Variants in NR6A1 observed in about 807,000 individuals in gnomAD.
NR6A1 encodes the protein nuclear receptor subfamily 6 group A member 1.
NR6A1 carries 7 observed loss-of-function variants against 59.1 expected under a neutral mutation model. The observed-to-expected ratio is 0.12, with a 90% CI of 0.07 to 0.22. NR6A1 has a LOEUF of 0.22. Among genes scored for constraint, NR6A1 ranks in the 10% least tolerant of loss-of-function variants. The probability of loss-of-function intolerance (pLI) is 1.00; values close to 1 mark genes in which losing one functional copy is unlikely to be tolerated. For synonymous variants in NR6A1, 243 were observed against 236.1 expected, an observed-to-expected ratio of 1.03 and a Z score of -0.27; for missense variants, 468 against 611.6, an observed-to-expected ratio of 0.77 and a Z score of 2.48.
intron 7 of NR6A1, among the ~76,000 whole-genome samples, chr9:124,530,920 C>CT (rs1175176691): frequency 6.6e-6 from 1 of 152,180 alleles, no homozygotes; most frequent in Non-Finnish European, 1.5e-5. Context: ...TCTTTGTAGC[C>CT]TTTAATTTTC....
intron 2 of NR6A1, among the ~76,000 whole-genome samples, chr9:124,576,137 CCTGCAGTTCAGGAT>C (rs1304618365): frequency 1.3e-5 from 2 of 152,192 alleles, no homozygotes; most frequent in African/African-American, 4.8e-5. Context: ...ATTACATCTA[CCTGCAGTTCAGGAT>C]GACTGCCTGG....
intron 2 of NR6A1, among the ~76,000 whole-genome samples, chr9:124,719,839 T>C (rs577809507): frequency 3.4e-4 from 52 of 152,040 alleles, no homozygotes; most frequent in Middle Eastern, 3.4e-3. Flanking sequence ...AAGAACTGCT[T>C]GAGCCCAGGA....
intron 2 of NR6A1, among the ~76,000 whole-genome samples, chr9:124,609,808 T>C (rs1835687203): frequency 6.6e-6 from 1 of 152,220 alleles, no homozygotes; most frequent in South Asian, 2.1e-4. Flanking sequence ...GTAGCTCTCC[T>C]TGAAGAGGTC....
intron 2 of NR6A1, among the ~76,000 whole-genome samples, chr9:124,660,585 A>G (rs1837399532): frequency 6.7e-6 from 1 of 149,014 alleles, no homozygotes; most frequent in Admixed American, 6.9e-5. Context: ...AGCTGCAGAA[A>G]GATGGGGGAT....
chr9:124,620,154 A>G (rs1459695409), intron 2 of NR6A1, among the ~76,000 whole-genome samples: 2 of 152,202 alleles, frequency 1.3e-5, no homozygotes, highest in African/African-American at 4.8e-5. Flanking sequence ...CACAATATAA[A>G]TGAATATATA....
intron 1 of NR6A1, among the ~76,000 whole-genome samples, chr9:124,739,040 C>T (rs1840099911): frequency 6.8e-6 from 1 of 148,106 alleles, no homozygotes; most frequent in Admixed American, 6.7e-5. Context: ...ATTAGCTGGG[C>T]TAATTTTGGT....
intron 2 of NR6A1, among the ~76,000 whole-genome samples, chr9:124,704,511 A>G (rs1262045775): frequency 6.6e-6 from 1 of 151,838 alleles, no homozygotes; most frequent in African/African-American, 2.4e-5. Flanking sequence ...GCTGGGCTCA[A>G]GCAATCCTCC....
At chr9:124,558,352 C>T (rs939357998) in intron 2 of NR6A1, among the ~76,000 whole-genome samples, 4 of 152,106 alleles carry the variant, frequency 2.6e-5, no homozygotes, top group African/African-American at 9.7e-5. Context: ...TGTCTGGCTA[C>T]AGCTATTCTT....
At chr9:124,762,696 C>CAGAT (rs1295344581) in intron 1 of NR6A1, among the ~76,000 whole-genome samples, 4 of 152,188 alleles carry the variant, frequency 2.6e-5, no homozygotes, top group Admixed American at 2.0e-4. Context: ...GCATTTTGAA[C>CAGAT]AGATCTCTTA....
chr9:124,577,159 T>G (rs941341315), intron 2 of NR6A1, among the ~76,000 whole-genome samples: 1 of 152,210 alleles, frequency 6.6e-6, no homozygotes, highest in African/African-American at 2.4e-5. Flanking sequence ...TCCATAAATT[T>G]GAGTTTTAAT....
chr9:124,601,198 C>G (rs1453894402), intron 2 of NR6A1, among the ~76,000 whole-genome samples: 1 of 152,022 alleles, frequency 6.6e-6, no homozygotes, highest in Non-Finnish European at 1.5e-5. Flanking sequence ...ATTGCTTGAG[C>G]CCCGGAGACG....
intron 2 of NR6A1, among the ~76,000 whole-genome samples, chr9:124,562,905 C>A (rs1834121695): frequency 6.6e-6 from 1 of 152,202 alleles, no homozygotes; most frequent in African/African-American, 2.4e-5. Flanking sequence ...ATCTCCACAT[C>A]ATTTAGCAAG....
chr9:124,707,880 C>T (rs1839179231), intron 2 of NR6A1, among the ~76,000 whole-genome samples: 2 of 152,166 alleles, frequency 1.3e-5, no homozygotes, highest in African/African-American at 4.8e-5. Flanking sequence ...TCACTACCTG[C>T]TGCTGCAACT....
chr9:124,557,294 C>G (rs772143343), intron 2 of NR6A1, among the ~76,000 whole-genome samples: 3 of 152,106 alleles, frequency 2.0e-5, no homozygotes, highest in Non-Finnish European at 4.4e-5. Context: ...GCCACCATGC[C>G]TGGCTAATTT....
intron 2 of NR6A1, among the ~76,000 whole-genome samples, chr9:124,652,041 A>AG (rs1588745320): frequency 6.6e-6 from 1 of 152,368 alleles, no homozygotes; most frequent in East Asian, 1.9e-4. Context: ...TAGTTAAAAA[A>AG]GGAAACCAGC....
chr9:124,689,457 T>C (rs1258826362), intron 2 of NR6A1, among the ~76,000 whole-genome samples: 1 of 152,218 alleles, frequency 6.6e-6, no homozygotes, highest in East Asian at 1.9e-4. Context: ...TTTGGAAAAG[T>C]TTATTATAAT....
rs971211736 is a variant in NR6A1, at chr9:124,610,492, T to C, written c.143-55922A>G. Among the ~76,000 whole-genome samples, 11 of 152,362 alleles carry C rather than the reference T, an allele frequency of 7.2e-5. No individual in the cohort carries two copies. The East Asian group carries it at 1.7e-3, about 24-fold the overall frequency. On this transcript the variant is annotated intron_variant, in intron 2 of 9. Coordinates refer to ENST00000487099, the MANE Select transcript of NR6A1 (RefSeq NM_033334.4). ...ATAAGCTTTTTGATGTACTTCTAGA[T>C]TCAGTTTGCCAGTATTTTATTGAGG...
intron 2 of NR6A1, among the ~76,000 whole-genome samples, chr9:124,557,234 A>C (rs1389580021): frequency 6.6e-6 from 1 of 152,138 alleles, no homozygotes; most frequent in Non-Finnish European, 1.5e-5. Flanking sequence ...GTCCCGGTTC[A>C]AGTAATGATC....
chr9:124,537,627 A>C (rs983883517), intron 6 of NR6A1, among the ~76,000 whole-genome samples: 1 of 151,778 alleles, frequency 6.6e-6, no homozygotes, highest in African/African-American at 2.4e-5. Flanking sequence ...CTGAAAGAAT[A>C]CTCCTTCTAC....
Sources: allele counts gnomAD v4.1 joint callset (sites outside exome capture counted in the v4.1 genomes callset), GRCh38; gene constraint gnomAD v4.1.1; transcripts MANE v1.5; gene names NCBI Gene and HGNC (gene_info 2026-07-23, HGNC 2026-07-21).